AGAP5: variants seen among roughly 807,000 people sequenced by gnomAD.
AGAP5 encodes the protein arf-GAP with GTPase, ANK repeat and PH domain-containing protein 5.
In AGAP5, 8 loss-of-function variants were observed where a neutral mutation model predicts 27.7. That is an observed-to-expected ratio of 0.29 (90% CI 0.17 to 0.52). The LOEUF is 0.52. AGAP5 is among the 20% of genes least tolerant of loss of function. The pLI is 0.97. For missense variants in AGAP5, 285 were observed against 880.8 expected (o/e 0.32, Z 8.56); for synonymous variants, 111 against 338.0 (o/e 0.33, Z 7.37).
At chr10:73,697,330 C>T (rs1053682066) in intron 1 of AGAP5, among the ~76,000 whole-genome samples, 167 bp from the exon 2 acceptor site, 17 of 151,788 alleles carry the variant, frequency 1.1e-4, no homozygotes, top group Admixed American at 2.6e-4. Context: ...GGAGGGGAGG[C>T]GAAAAGAAAC....
chr10:73,689,750 G>C (rs1490798985), intron 4 of AGAP5, among the ~76,000 whole-genome samples: 1 of 150,652 alleles, frequency 6.6e-6, no homozygotes, highest in Non-Finnish European at 1.5e-5. Context: ...CCCTCCGCCT[G>C]GCAGCGCCCC....
intron 4 of AGAP5, among the ~76,000 whole-genome samples, chr10:73,689,851 G>A (rs2082100357): frequency 6.6e-6 from 1 of 151,148 alleles, no homozygotes; most frequent in Non-Finnish European, 1.5e-5. Context: ...CATCCAGGAG[G>A]GAGGTGGGGG....
At chr10:73,686,889 A>G (rs1274694190) in intron 4 of AGAP5, among the ~76,000 whole-genome samples, 1 of 152,220 alleles carries the variant, frequency 6.6e-6, no homozygotes, top group Non-Finnish European at 1.5e-5. Flanking sequence ...GGAAAACCAA[A>G]TATCATGTTC....
At chr10:73,677,702 T>C (rs2132440387) in intron 6 of AGAP5, among the ~76,000 whole-genome samples, 1 of 152,236 alleles carries the variant, frequency 6.6e-6, no homozygotes, top group East Asian at 1.9e-4. Context: ...TTCTGAATCA[T>C]ACTAATTAAA....
At chr10:73,697,195 T>A (rs1419968037) in intron 1 of AGAP5, 32 bp from the exon 2 acceptor site, 1 of 1,591,406 alleles carries the variant, frequency 6.3e-7, no homozygotes, top group Admixed American at 1.7e-5. Context: ...AGAAAAAAGA[T>A]GTAATCATTT....
At chr10:73,689,253 T>C (rs2082092296) in intron 4 of AGAP5, among the ~76,000 whole-genome samples, 1 of 152,204 alleles carries the variant, frequency 6.6e-6, no homozygotes, top group African/African-American at 2.4e-5. Context: ...CCTCCCGAGG[T>C]GCCGGGATTG....
chr10:73,693,581 C>T (rs1270015492), intron 3 of AGAP5, among the ~76,000 whole-genome samples: 1 of 151,826 alleles, frequency 6.6e-6, no homozygotes, highest in Non-Finnish European at 1.5e-5. Flanking sequence ...CACCTATAGT[C>T]CCAACTACTC....
chr10:73,687,630 C>G (rs1430791273), intron 4 of AGAP5, among the ~76,000 whole-genome samples: 1 of 152,114 alleles, frequency 6.6e-6, no homozygotes, highest in Admixed American at 6.5e-5. Context: ...GTGTAATATG[C>G]TTATTATACA....
At position 73,690,581 on chromosome 10, in the gene AGAP5, C is replaced by T. The variant is rs558912166; in HGVS notation, c.396+1462G>A. Reference sequence around the variant, plus strand: ...TGTGACCCTGCCAAATCCCCCTCTGCGAGAAACACCCAAGAATGATCAATT... The same window carrying T: ...TGTGACCCTGCCAAATCCCCCTCTGTGAGAAACACCCAAGAATGATCAATT... On this transcript the variant is annotated intron_variant, in intron 4 of 7. Transcript: ENST00000374094. Among the ~76,000 whole-genome samples the T allele has an allele frequency of 1.3e-3, 187 of 141,796 alleles. No homozygotes were observed. In the Middle Eastern group the frequency reaches 0.015, roughly 11 times the overall value. 93.0% of individuals were successfully genotyped at this position (141,796 alleles called of 152,430 possible).
intron 6 of AGAP5, among the ~76,000 whole-genome samples, chr10:73,677,181 T>A (rs1245871096): frequency 3.9e-5 from 6 of 152,244 alleles, no homozygotes; most frequent in Non-Finnish European, 5.9e-5. Context: ...ACTCTCATGA[T>A]GTTTTTATGT....
chr10:73,687,324 A>C (rs1342150542), intron 4 of AGAP5, among the ~76,000 whole-genome samples: 1 of 152,142 alleles, frequency 6.6e-6, no homozygotes, highest in Non-Finnish European at 1.5e-5. Flanking sequence ...GTGCAATTAT[A>C]GTTAACTGCA....
chr10:73,696,745 A>G (rs1163540487), intron 2 of AGAP5, among the ~76,000 whole-genome samples: 1 of 152,230 alleles, frequency 6.6e-6, no homozygotes, highest in Non-Finnish European at 1.5e-5. Flanking sequence ...TGTTCAAATT[A>G]CAGTTAGAAG....
rs2082179299 is a variant in AGAP5 at position 73,698,033 on chromosome 10, A to C, written c.-278T>G. The C allele has an allele frequency of 1.4e-6, 2 of 1,405,592 alleles. No homozygotes were observed. Among genetic ancestry groups the C allele is most frequent in the Non-Finnish European group, 9.3e-7 (1 of 1,080,100 alleles). 87.1% of individuals were successfully genotyped at this position (1,405,592 alleles called of 1,614,324 possible). On this transcript the variant is annotated 5_prime_UTR_variant, in exon 1 of 8. Coordinates refer to ENST00000374094, the MANE Select transcript of AGAP5 (RefSeq NM_001144000.4). The stretch of plus-strand genomic sequence containing the variant: ...TTATTTAATAGGTTGTGAACCCAAC[A>C]AGCGCTGAGAGACACAACAACTGCC...
At position 73,697,621 on chromosome 10, in the gene AGAP5, C is replaced by T. The variant is rs2132465478; in HGVS notation, c.135G>A (p.Met45Ile). 6.2e-7 allele frequency: 1 copy of T among 1,608,756 alleles called. No homozygotes were observed. Among genetic ancestry groups the T allele is most frequent in the South Asian group, 1.1e-5 (1 of 91,030 alleles). Residue 45 changes from methionine (M) to isoleucine (I), a missense_variant, in exon 1 of 8, where the codon ATG becomes ATA. Met to Ile is a conservative substitution (Grantham distance 10). Coordinates refer to ENST00000374094, the MANE Select transcript of AGAP5 (RefSeq NM_001144000.4). ...CCTCAGCAGGCTGCACAGCAGCAGC[C>T]ATGGGCGCTCCTGCCATCCTGTCCC... ...GAGDRMAGAP[M>I]AAAVQPAEVT...
chr10:73,674,711 A>T lies in AGAP5; in HGVS notation c.1949T>A (p.Val650Asp). Reference protein sequence around the residue: ...AQLLIWYGVDVMARDAHGNTA... With the variant: ...AQLLIWYGVDDMARDAHGNTA... ...GTTCCCGTGGGCATCTCGGGCCATGACGTCCACCCCGTACCAGATCAGGAG... is the reference window on the plus strand; with the variant it reads ...GTTCCCGTGGGCATCTCGGGCCATGTCGTCCACCCCGTACCAGATCAGGAG... Residue 650 changes from valine (V) to aspartate (D), a missense_variant, in exon 8 of 8, where the codon GTC becomes GAC. Physicochemically the swap from Val to Asp is radical, Grantham distance 152 (BLOSUM62 -3). Coordinates refer to ENST00000374094, the MANE Select transcript of AGAP5 (RefSeq NM_001144000.4). 1 of 1,611,976 alleles carries T rather than the reference A, an allele frequency of 6.2e-7. No homozygotes were observed. Among genetic ancestry groups the T allele is most frequent in the Non-Finnish European group, 8.5e-7 (1 of 1,179,844 alleles).
Position 73,697,580 on chromosome 10 carries a change from C to A in AGAP5, c.176G>T (p.Gly59Val). 1 of 1,612,618 alleles carries A rather than the reference C, an allele frequency of 6.2e-7. No individual in the cohort carries two copies. The highest frequency in any genetic ancestry group is 8.5e-7 in the Non-Finnish European group (1 of 1,179,948). ...AATGTGGTGCATGTGGAGGTCCTCA[C>A]CAACTTCAACGGTCACCTCAGCAGG... ...VQPAEVTVEV[G>V]EDLHMHHIRD... The change falls in exon 1 of 8, where the codon GGT (glycine) becomes GTT (valine). Residue 59 changes from glycine (G) to valine (V), a missense_variant. By Grantham distance (109) the Gly-to-Val change is moderately radical (BLOSUM62 -3). Coordinates refer to ENST00000374094, the MANE Select transcript of AGAP5 (RefSeq NM_001144000.4).
intron 2 of AGAP5, among the ~76,000 whole-genome samples, chr10:73,696,069 T>C (rs1339387463): frequency 1.3e-5 from 2 of 152,070 alleles, no homozygotes; most frequent in African/African-American, 4.8e-5. Context: ...CTGGAGTGCA[T>C]TGGCGTGATC....
chr10:73,689,575 G>A (rs2082096773), intron 4 of AGAP5, among the ~76,000 whole-genome samples: 2 of 151,656 alleles, frequency 1.3e-5, no homozygotes, highest in South Asian at 4.2e-4. Flanking sequence ...TCCCATCTAG[G>A]AAGTGAGGAG....
In AGAP5 at chr10:73,697,991, G is replaced by T. The variant is rs2082178795; in HGVS notation, c.-236C>A. ...TCCCCTGAGTTGACTTGTCTGGGAG[G>T]GTGAAGACCAGCTGGCTTATTTAAT... On this transcript the variant is annotated 5_prime_UTR_variant, in exon 1 of 8. Transcript: ENST00000374094. The T allele has an allele frequency of 2.7e-6, 4 of 1,467,290 alleles. No homozygotes were observed. In the African/African-American group the frequency reaches 5.6e-5, roughly 21 times the overall value. The allele number at this position is 1,467,290 out of a possible 1,614,324, so 90.9% of individuals were successfully genotyped here. A position where few individuals can be genotyped will look rare whatever the true frequency, so the allele number is the denominator to read the frequency against.
Sources: allele counts gnomAD v4.1 joint callset (sites outside exome capture counted in the v4.1 genomes callset), GRCh38; gene constraint gnomAD v4.1.1; transcripts MANE v1.5; gene names NCBI Gene and HGNC (gene_info 2026-07-23, HGNC 2026-07-21).